WNT5B: variants seen among roughly 807,000 people sequenced by gnomAD.
WNT5B encodes protein Wnt-5b.
WNT5B carries 18 observed loss-of-function variants against 36.5 expected under a neutral mutation model. That is an observed-to-expected ratio of 0.49 (90% confidence interval 0.34 to 0.73). WNT5B has a LOEUF of 0.73. WNT5B is among the 30% of genes least tolerant of loss of function. The pLI, the probability that WNT5B is intolerant of heterozygous loss-of-function variation, is 0.01. For missense variants in WNT5B, 424 were observed against 508.4 expected, an observed-to-expected ratio of 0.83 and a Z score of 1.60; for synonymous variants, 213 against 212.3, an observed-to-expected ratio of 1.00 and a Z score of -0.03.
intron 1 of WNT5B, among the ~76,000 whole-genome samples, chr12:1,619,744 G>A (rs1047082676): frequency 2.0e-5 from 3 of 152,194 alleles, no homozygotes; most frequent in East Asian, 1.9e-4. Flanking sequence ...GGCTCCTGGC[G>A]TAGCGGCTGC....
chr12:1,626,775 C>T (rs999817196), upstream of WNT5B, among the ~76,000 whole-genome samples: 7 of 151,478 alleles, frequency 4.6e-5, no homozygotes, highest in Non-Finnish European at 8.8e-5. Context: ...CCGTGTTAGC[C>T]AGGATGGTCT....
At position 1,633,270 on chromosome 12, in the gene WNT5B, C is replaced by G. The variant is rs1435163515; in HGVS notation, c.328+365C>G. On this transcript the variant is annotated intron_variant, in intron 3 of 4. Transcript: ENST00000397196. This position sits in a 1 kb window ranked among gnomAD's most constrained non-coding sequence, Gnocchi z 4.8. Reference sequence around the variant, plus strand: ...CCGCCACTGCCTTTGTGTCTCAGTGCAAAAAAGAGCCTTGGGTAGAGAACC... The same window carrying G: ...CCGCCACTGCCTTTGTGTCTCAGTGGAAAAAAGAGCCTTGGGTAGAGAACC... Among the ~76,000 whole-genome samples the G allele has an allele frequency of 6.6e-6, 1 of 151,980 alleles. No individual in the cohort carries two copies. The highest frequency in any genetic ancestry group is 2.4e-5 in the African/African-American group (1 of 41,386).
chr12:1,621,712 T>TA (rs1477720681), intron 1 of WNT5B, among the ~76,000 whole-genome samples: 1 of 151,180 alleles, frequency 6.6e-6, no homozygotes, highest in Non-Finnish European at 1.5e-5. Context: ...CAGCTATTTT[T>TA]TTTTTTTTTT....
intron 3 of WNT5B, 114 bp from the exon 4 acceptor site, chr12:1,639,554 AAGCGAAGCCCCCTGCC>A: frequency 1.0e-6 from 1 of 986,606 alleles, no homozygotes. Flanking sequence ...GAGCTACGGG[AAGCGAAGCCCCCTGCC>A]CCAGGGGTGT....
At chr12:1,619,232 A>G (rs1274469319) in intron 1 of WNT5B, among the ~76,000 whole-genome samples, 1 of 151,966 alleles carries the variant, frequency 6.6e-6, no homozygotes, top group Non-Finnish European at 1.5e-5. Context: ...GACTGCTGCA[A>G]TCATGGTGGA....
At position 1,633,045 on chromosome 12, in the gene WNT5B, A is replaced by G; in HGVS notation, c.328+140A>G. On this transcript the variant is annotated intron_variant, in intron 3 of 4. Coordinates refer to ENST00000397196, the MANE Select transcript of WNT5B (RefSeq NM_032642.3). The surrounding 1 kb of genome is among the most constrained non-coding windows in gnomAD (Gnocchi z 4.8). ...CTCTCTAGGCTTGGCAGCAGTGTGC[A>G]CCACGAGAGAGGCACACGAGGAAGC... 1 of 1,263,764 alleles carries G rather than the reference A, an allele frequency of 7.9e-7. No homozygotes were observed. The highest frequency in any genetic ancestry group is 1.1e-6 in the Non-Finnish European group (1 of 936,432). The allele number at this position is 1,263,764 out of a possible 1,614,324, so 78.3% of individuals were successfully genotyped here.
rs1565611299 is a variant in WNT5B, at chr12:1,639,871, C to T, written c.516C>T (p.Ala172=). The T allele has an allele frequency of 1.2e-6, 2 of 1,614,016 alleles. No individual in the cohort carries two copies. Among genetic ancestry groups the T allele is most frequent in the Non-Finnish European group, 1.7e-6 (2 of 1,179,942 alleles). Reference sequence around the variant, plus strand: ...ACGTGGAGTACGGCTACCGCTTCGCCAAGGAGTTTGTGGATGCCCGGGAGC... The same window carrying T: ...ACGTGGAGTACGGCTACCGCTTCGCTAAGGAGTTTGTGGATGCCCGGGAGC... ...GDNVEYGYRF[A]KEFVDARERE... The change falls in exon 4 of 5, where the codon GCC becomes GCT. Residue 172 remains alanine (A), a synonymous_variant. Transcript: ENST00000397196.
chr12:1,632,145 G>C lies in WNT5B; in HGVS notation c.81-513G>C, dbSNP rs1037082032. 6.6e-6 allele frequency among the ~76,000 whole-genome samples: 1 copy of C among 152,204 alleles called. No homozygotes were observed. The highest frequency in any genetic ancestry group is 2.4e-5 in the African/African-American group (1 of 41,450). ...TGATTGGATTTTAAAGGCCCAAAGG[G>C]AGTACCACGCAAAGGATTGATTGCT... On this transcript the variant is annotated intron_variant, in intron 2 of 4. Coordinates refer to ENST00000397196, the MANE Select transcript of WNT5B (RefSeq NM_032642.3). The surrounding 1 kb of genome is among the most constrained non-coding windows in gnomAD (Gnocchi z 5.8).
intron 1 of WNT5B, among the ~76,000 whole-genome samples, chr12:1,619,340 C>T (rs1444206727): frequency 2.0e-5 from 3 of 152,060 alleles, no homozygotes; most frequent in Non-Finnish European, 4.4e-5. Context: ...GAATACTATG[C>T]CTCAGGGCTA....
chr12:1,643,686 C>CTTTTT (rs368172169), intron 4 of WNT5B, among the ~76,000 whole-genome samples: 7 of 97,436 alleles, frequency 7.2e-5, no homozygotes, highest in Non-Finnish European at 9.4e-5. Context: ...TTTTTGAAAG[C>CTTTTT]TTTTTTTTTT....
chr12:1,627,479 T>C (rs1592520628), upstream of WNT5B, among the ~76,000 whole-genome samples: 1 of 152,210 alleles, frequency 6.6e-6, no homozygotes, highest in African/African-American at 2.4e-5. This position sits in a 1 kb window ranked among gnomAD's most constrained non-coding sequence, Gnocchi z 5.0. Flanking sequence ...CTCTGAAGTA[T>C]GGTGGAAAGC....
chr12:1,636,928 G>A (rs568828133), intron 3 of WNT5B, among the ~76,000 whole-genome samples: 9 of 152,148 alleles, frequency 5.9e-5, no homozygotes, highest in African/African-American at 1.9e-4. Flanking sequence ...AGCGGGTCTC[G>A]AACTCCTGAC....
chr12:1,629,646 C>T (rs2094546377), intron 1 of WNT5B, among the ~76,000 whole-genome samples: 1 of 152,070 alleles, frequency 6.6e-6, no homozygotes, highest in Non-Finnish European at 1.5e-5. Context: ...CAAGGAAACG[C>T]TTTGAAGCTT....
chr12:1,627,647 G>T (rs867845848), upstream of WNT5B, among the ~76,000 whole-genome samples: 7 of 152,262 alleles, frequency 4.6e-5, no homozygotes, highest in Admixed American at 2.0e-4. The surrounding 1 kb of genome is among the most constrained non-coding windows in gnomAD (Gnocchi z 5.0). Flanking sequence ...CTTCCAACAC[G>T]CACCTCTTTG....
At chr12:1,628,639 A>G (rs1296641504), upstream of WNT5B, among the ~76,000 whole-genome samples, 16 of 152,182 alleles carry the variant, frequency 1.1e-4, no homozygotes, top group Non-Finnish European at 1.2e-4. Flanking sequence ...AGGGGTCCCA[A>G]TGTGACCTGC....
intron 4 of WNT5B, among the ~76,000 whole-genome samples, chr12:1,641,105 C>T (rs1364232011): frequency 6.6e-6 from 1 of 152,210 alleles, no homozygotes; most frequent in Non-Finnish European, 1.5e-5. Flanking sequence ...AGAATGGTGG[C>T]CGGGAGCAGT....
At chr12:1,627,584 AAAGT>A (rs1388020734), upstream of WNT5B, among the ~76,000 whole-genome samples, 1 of 152,170 alleles carries the variant, frequency 6.6e-6, no homozygotes, top group Non-Finnish European at 1.5e-5. This position sits in a 1 kb window ranked among gnomAD's most constrained non-coding sequence, Gnocchi z 5.0. Context: ...TAAGGAAATG[AAAGT>A]GAGTGACTGA....
At chr12:1,642,564 G>A (rs1310985302) in intron 4 of WNT5B, among the ~76,000 whole-genome samples, 3 of 152,174 alleles carry the variant, frequency 2.0e-5, no homozygotes, top group African/African-American at 7.2e-5. Flanking sequence ...GAGGAGTTCC[G>A]TGTTGCCTCC....
intron 2 of WNT5B, 78 bp downstream of exon 2, chr12:1,631,512 G>T: frequency 6.2e-7 from 1 of 1,604,866 alleles, no homozygotes; most frequent in South Asian, 1.1e-5. Flanking sequence ...GAAGGGCACC[G>T]TGTGTCACGG....
Sources: gnomAD v4.1 joint callset for allele counts (sites outside exome capture counted in the v4.1 genomes callset) on GRCh38, gnomAD v4.1.1 for gene constraint, Gnocchi (gnomAD v3.1) non-coding constraint, MANE v1.5 for transcripts, NCBI Gene and HGNC (gene_info 2026-07-23, HGNC 2026-07-21) for gene names.